PAK5: variants seen among roughly 807,000 people sequenced by gnomAD.
PAK5 encodes the protein p21 (RAC1) activated kinase 5.
In PAK5, 16 loss-of-function variants were observed where a neutral mutation model predicts 65.9. That is an observed-to-expected ratio of 0.24 (90% confidence interval 0.16 to 0.37). The LOEUF (loss-of-function observed/expected upper bound fraction) is 0.37. PAK5 is among the 10% of genes least tolerant of loss of function. The probability of loss-of-function intolerance (pLI) is 1.00; values close to 1 mark genes in which losing one functional copy is unlikely to be tolerated. For synonymous variants in PAK5, 371 were observed against 354.9 expected, an observed-to-expected ratio of 1.05 and a Z score of -0.51; for missense variants, 785 against 903.9, an observed-to-expected ratio of 0.87 and a Z score of 1.69.
intron 3 of PAK5, among the ~76,000 whole-genome samples, chr20:9,630,755 A>G (rs1267290225): frequency 6.6e-6 from 1 of 152,226 alleles, no homozygotes; most frequent in Non-Finnish European, 1.5e-5. Context: ...GGCCATTCCC[A>G]TGCCTTGAAA....
At position 9,539,362 on chromosome 20, in the gene PAK5, C is replaced by T. The variant is rs184135228; in HGVS notation, c.*100G>A. On this transcript the variant is annotated 3_prime_UTR_variant, in exon 10 of 10. Coordinates refer to ENST00000353224, the MANE Select transcript of PAK5 (RefSeq NM_177990.4). ...CACGCTGTCCCACCAATTGGCTGGTCTAGAATGCACAGGCCTTTTGCATGT... is the reference window on the plus strand; with the variant it reads ...CACGCTGTCCCACCAATTGGCTGGTTTAGAATGCACAGGCCTTTTGCATGT... The T allele has an allele frequency of 3.4e-4, 397 of 1,181,370 alleles. 3 individuals carry two copies. In the East Asian group the frequency reaches 4.7e-3, roughly 14 times the overall value. The allele number at this position is 1,181,370 out of a possible 1,614,324, so 73.2% of individuals were successfully genotyped here.
At position 9,702,871 on chromosome 20, in the gene PAK5, T is replaced by C. The variant is rs972014504; in HGVS notation, c.-12+8415A>G. ...GTTCTGGGCCTCATGATCCCAGCAATATTAGGAAGATTAACTCCTGGACAG... is the reference window on the plus strand; with the variant it reads ...GTTCTGGGCCTCATGATCCCAGCAACATTAGGAAGATTAACTCCTGGACAG... On this transcript the variant is annotated intron_variant, in intron 2 of 9. Coordinates refer to ENST00000353224, the MANE Select transcript of PAK5 (RefSeq NM_177990.4). Among the ~76,000 whole-genome samples the C allele has an allele frequency of 2.0e-5, 3 of 152,150 alleles. No individual in the cohort carries two copies. The East Asian group carries it at 5.8e-4, about 29-fold the overall frequency.
intron 2 of PAK5, among the ~76,000 whole-genome samples, chr20:9,663,582 T>C (rs1419566281): frequency 6.6e-6 from 1 of 152,188 alleles, no homozygotes; most frequent in Non-Finnish European, 1.5e-5. Flanking sequence ...AGGGGCTTAT[T>C]GATCCTACTT....
At chr20:9,771,602 T>TTTTTTTTTTTTAA (rs2048834694) in intron 1 of PAK5, among the ~76,000 whole-genome samples, 1 of 132,128 alleles carries the variant, frequency 7.6e-6, no homozygotes, top group Non-Finnish European at 1.6e-5. Context: ...TTTTTTTTTG[T>TTTTTTTTTTTTAA]AGAAATGGGC....
chr20:9,558,093 GT>G (rs2045539061), intron 6 of PAK5, among the ~76,000 whole-genome samples: 1 of 149,236 alleles, frequency 6.7e-6, no homozygotes, highest in African/African-American at 2.5e-5. Flanking sequence ...GTCCCGCTCT[GT>G]CACCCAGGCT....
At chr20:9,575,227 C>T (rs2045865757) in intron 4 of PAK5, among the ~76,000 whole-genome samples, 1 of 152,106 alleles carries the variant, frequency 6.6e-6, no homozygotes, top group Non-Finnish European at 1.5e-5. Flanking sequence ...CAGGGTCTCA[C>T]TCTGTTGCCT....
chr20:9,618,915 GTTTTTTTTTTTTTTTTTTTTTT>G (rs150725498), intron 3 of PAK5, among the ~76,000 whole-genome samples: 5 of 18,838 alleles, frequency 2.7e-4, no homozygotes, highest in Admixed American at 1.8e-3. Flanking sequence ...TCTTTCTTTC[GTTTTTTTTTTTTTTTTTTTTTT>G]TTTTTTTTTT....
intron 2 of PAK5, among the ~76,000 whole-genome samples, chr20:9,661,371 T>G (rs2047344201): frequency 6.6e-6 from 1 of 152,228 alleles, no homozygotes; most frequent in South Asian, 2.1e-4. Context: ...CTGAAGTTCC[T>G]TTATCTGCCT....
Position 9,542,733 on chromosome 20 carries a change from C to G in PAK5, c.1870-13G>C. On this transcript the variant is annotated splice_polypyrimidine_tract_variant and intron_variant, in intron 8 of 9. Coordinates refer to ENST00000353224, the MANE Select transcript of PAK5 (RefSeq NM_177990.4). ...ACCAGATGTCCACCTGTTAGGCACA[C>G]CCTACTGGTTATCTCAGGCAAGGAG... The G allele has an allele frequency of 6.2e-7, 1 of 1,612,276 alleles. No individual in the cohort carries two copies. The highest frequency in any genetic ancestry group is 8.5e-7 in the Non-Finnish European group (1 of 1,178,702).
chr20:9,683,778 G>T (rs547382323), intron 2 of PAK5, among the ~76,000 whole-genome samples: 11 of 152,262 alleles, frequency 7.2e-5, no homozygotes, highest in Middle Eastern at 3.4e-3. Flanking sequence ...GTGTGCAGTA[G>T]TGTGATCATA....
At chr20:9,624,094 A>G (rs1247860238) in intron 3 of PAK5, among the ~76,000 whole-genome samples, 1 of 152,242 alleles carries the variant, frequency 6.6e-6, no homozygotes, top group African/African-American at 2.4e-5. Flanking sequence ...GCTGAATATG[A>G]GGTCCAATAT....
At chr20:9,784,961 T>A (rs1424359880) in intron 1 of PAK5, among the ~76,000 whole-genome samples, 9 of 152,018 alleles carry the variant, frequency 5.9e-5, no homozygotes, top group South Asian at 2.1e-4. Flanking sequence ...AAGGAAGACA[T>A]TTCCTTTATT....
intron 2 of PAK5, among the ~76,000 whole-genome samples, chr20:9,677,689 T>A (rs1386426137): frequency 6.6e-6 from 1 of 152,252 alleles, no homozygotes; most frequent in Non-Finnish European, 1.5e-5. Flanking sequence ...TTTATCTTTT[T>A]TAACTGTGAA....
chr20:9,681,394 T>C (rs1441003662), intron 2 of PAK5, among the ~76,000 whole-genome samples: 2 of 152,188 alleles, frequency 1.3e-5, no homozygotes, highest in Non-Finnish European at 1.5e-5. Flanking sequence ...TAATGTAATA[T>C]AGACGGGTTA....
At chr20:9,584,056 G>A (rs940498981) in intron 3 of PAK5, among the ~76,000 whole-genome samples, 3 of 152,138 alleles carry the variant, frequency 2.0e-5, no homozygotes, top group Non-Finnish European at 2.9e-5. Flanking sequence ...CAAAGTAGGG[G>A]ATGCTCTGTT....
intron 1 of PAK5, among the ~76,000 whole-genome samples, chr20:9,819,626 A>G (rs985879483): frequency 1.3e-5 from 2 of 151,994 alleles, no homozygotes; most frequent in Non-Finnish European, 2.9e-5. Context: ...CCTCCTGATA[A>G]TCCTTGCAGA....
chr20:9,702,310 A>C (rs1319840506), intron 2 of PAK5, among the ~76,000 whole-genome samples: 1 of 151,746 alleles, frequency 6.6e-6, no homozygotes, highest in Non-Finnish European at 1.5e-5. Flanking sequence ...ACAAAGCAAT[A>C]CTCTCCATGG....
At chr20:9,556,884 A>G (rs1375025945) in intron 7 of PAK5, among the ~76,000 whole-genome samples, 1 of 152,170 alleles carries the variant, frequency 6.6e-6, no homozygotes, top group African/African-American at 2.4e-5. Flanking sequence ...ATTTCAGCCA[A>G]TAGGGAGCAC....
intron 1 of PAK5, among the ~76,000 whole-genome samples, chr20:9,817,892 A>G (rs1268599597): frequency 1.3e-5 from 2 of 152,214 alleles, no homozygotes; most frequent in Non-Finnish European, 2.9e-5. Flanking sequence ...GGCATGGCCA[A>G]TCTCTGGCAG....
Sources: gnomAD v4.1 joint callset for allele counts (sites outside exome capture counted in the v4.1 genomes callset) on GRCh38, gnomAD v4.1.1 for gene constraint, MANE v1.5 for transcripts, NCBI Gene and HGNC (gene_info 2026-07-23, HGNC 2026-07-21) for gene names.